The following RGS20 variants were observed in gnomAD, a reference collection of about 807,000 sequenced individuals.
RGS20 encodes regulator of G protein signaling 20.
A neutral mutation model predicts 33.6 loss-of-function variants in RGS20; 30 were observed. That is an observed-to-expected ratio of 0.89 (90% CI 0.67 to 1.21). The LOEUF is 1.21. RGS20 is among the 50% of genes most tolerant of loss of function. RGS20 has a pLI of 0.00. For synonymous variants in RGS20, 208 were observed against 197.9 expected (o/e 1.05, Z -0.43); for missense variants, 472 against 502.4 (o/e 0.94, Z 0.58).
At chr8:53,881,007 G>C in intron 2 of RGS20, 2 of 1,595,272 alleles carry the variant, frequency 1.3e-6, no homozygotes. Context: ...GAAGGCACCC[G>C]CGGGACGCAT....
intron 3 of RGS20, among the ~76,000 whole-genome samples, chr8:53,941,823 G>T (rs1204101816): frequency 6.6e-6 from 1 of 152,000 alleles, no homozygotes; most frequent in African/African-American, 2.4e-5. Context: ...CCACTGATAG[G>T]ACTTTCTCAG....
At chr8:53,924,288 C>G (rs188429792) in intron 2 of RGS20, among the ~76,000 whole-genome samples, 1 of 152,120 alleles carries the variant, frequency 6.6e-6, no homozygotes, top group African/African-American at 2.4e-5. Flanking sequence ...CTCCCGGGTT[C>G]AAGAGATTCT....
chr8:53,891,820 A>G (rs1304139415), intron 2 of RGS20, among the ~76,000 whole-genome samples: 1 of 150,674 alleles, frequency 6.6e-6, no homozygotes, highest in Non-Finnish European at 1.5e-5. Context: ...GAAGTATGTT[A>G]TAATTTTTGC....
intron 2 of RGS20, among the ~76,000 whole-genome samples, chr8:53,885,607 C>T (rs1235431211): frequency 6.6e-6 from 1 of 151,120 alleles, no homozygotes; most frequent in African/African-American, 2.5e-5. Context: ...GAGGGAGACT[C>T]CGTCTCAAAA....
chr8:53,886,642 G>A (rs1283715970), intron 2 of RGS20, among the ~76,000 whole-genome samples: 20 of 152,286 alleles, frequency 1.3e-4, no homozygotes, highest in Admixed American at 1.2e-3. Flanking sequence ...GAGGTGCTGG[G>A]TTGTACGATG....
intron 2 of RGS20, among the ~76,000 whole-genome samples, chr8:53,900,755 G>T (rs960654246): frequency 6.6e-6 from 1 of 152,170 alleles, no homozygotes; most frequent in Non-Finnish European, 1.5e-5. Context: ...GGGCTCCTCT[G>T]ACTGGACACC....
In RGS20 at chr8:53,879,520, G is replaced by A. The variant is rs772702667; in HGVS notation, c.428G>A (p.Gly143Glu). 4 of 1,543,652 alleles carry A rather than the reference G, an allele frequency of 2.6e-6. No homozygotes were observed. The East Asian group carries it at 7.4e-5, about 29-fold the overall frequency. The change falls in exon 2 of 6, where the codon GGG becomes GAG. Residue 143 changes from glycine to glutamate, a missense_variant. Gly to Glu is a moderately conservative substitution (Grantham distance 98). This residue lies in a region of RGS20 where 319 missense variants were observed against 283.4 expected (regional missense o/e 1.13). Transcript: ENST00000297313. ...CTGGCACTGCCCGGCCGACCCTCGG[G>A]GGGTCGTCCGCTGAGGCCCCCCCAT... is the stretch of plus-strand genomic sequence containing the variant.
At chr8:53,884,419 C>T (rs1812481564) in intron 2 of RGS20, among the ~76,000 whole-genome samples, 2 of 151,916 alleles carry the variant, frequency 1.3e-5, no homozygotes. Flanking sequence ...TGATGAACAG[C>T]CAGTTTAAGA....
chr8:53,937,394 A>T (rs1464582360), intron 2 of RGS20, among the ~76,000 whole-genome samples: 1 of 152,124 alleles, frequency 6.6e-6, no homozygotes, highest in African/African-American at 2.4e-5. Flanking sequence ...AAGATGGATT[A>T]AAGACTTAGA....
chr8:53,880,963 G>A lies in RGS20; in HGVS notation c.510+1361G>A, dbSNP rs927979962. On this transcript the variant is annotated intron_variant, in intron 2 of 5. Coordinates refer to ENST00000297313, the MANE Select transcript of RGS20 (RefSeq NM_170587.4). The stretch of plus-strand genomic sequence containing the variant: ...AAAGGCGCGGTGAGCAATCGCCGAC[G>A]TAGAGAGGGCAGCCCTCCGCGCTGC... 25 of 1,579,452 alleles carry A rather than the reference G, an allele frequency of 1.6e-5. No individual in the cohort carries two copies. In the East Asian group the frequency reaches 5.2e-4, roughly 33 times the overall value.
intron 2 of RGS20, among the ~76,000 whole-genome samples, chr8:53,915,001 T>C (rs1203318485): frequency 2.0e-5 from 3 of 152,034 alleles, no homozygotes; most frequent in Non-Finnish European, 4.4e-5. Context: ...AAAAATTAGC[T>C]GGGTGTGGTG....
chr8:53,944,824 C>T (rs1173813748), intron 3 of RGS20, among the ~76,000 whole-genome samples: 4 of 152,134 alleles, frequency 2.6e-5, no homozygotes, highest in Non-Finnish European at 5.9e-5. Flanking sequence ...ACACACATCT[C>T]TCCAAAGATG....
chr8:53,877,691 C>G lies in RGS20; in HGVS notation c.166-1567C>G, dbSNP rs746683958. Among the ~76,000 whole-genome samples the G allele has an allele frequency of 6.6e-6, 1 of 152,164 alleles. No homozygotes were observed. The highest frequency in any genetic ancestry group is 6.5e-5 in the Admixed American group (1 of 15,282). On this transcript the variant is annotated intron_variant, in intron 1 of 5. Coordinates refer to ENST00000297313, the MANE Select transcript of RGS20 (RefSeq NM_170587.4). The surrounding 1 kb of genome is among the most constrained non-coding windows in gnomAD (Gnocchi z 5.7). ...GAGGAGAATGAAAATACTGGGAGAA[C>G]GACCCCATTCTCCAGGAAAAGGTAA...
At chr8:53,889,628 C>T (rs887010556) in intron 2 of RGS20, among the ~76,000 whole-genome samples, 5 of 150,906 alleles carry the variant, frequency 3.3e-5, no homozygotes, top group Admixed American at 3.3e-4. Flanking sequence ...TCTGTTTGGC[C>T]CATTTTTCTA....
chr8:53,875,654 C>T (rs1162718175), intron 1 of RGS20, among the ~76,000 whole-genome samples: 1 of 152,140 alleles, frequency 6.6e-6, no homozygotes, highest in East Asian at 1.9e-4. Flanking sequence ...TTTCCAGCCC[C>T]TCCTCCCTCG....
chr8:53,929,235 A>T (rs1038046583), intron 2 of RGS20, among the ~76,000 whole-genome samples: 2 of 152,220 alleles, frequency 1.3e-5, no homozygotes, highest in Non-Finnish European at 2.9e-5. Context: ...CTTGATTGTG[A>T]TGATGGCTTC....
chr8:53,885,590 G>A (rs1299064918), intron 2 of RGS20, among the ~76,000 whole-genome samples: 1 of 152,036 alleles, frequency 6.6e-6, no homozygotes, highest in Non-Finnish European at 1.5e-5. Context: ...CTCCAGTCTG[G>A]GCGACAGAGG....
chr8:53,871,825 T>C (rs1023644539), intron 1 of RGS20, among the ~76,000 whole-genome samples: 5 of 152,132 alleles, frequency 3.3e-5, no homozygotes, highest in Non-Finnish European at 7.4e-5. Context: ...GTCTTCTATC[T>C]CTCTGACTCT....
intron 1 of RGS20, among the ~76,000 whole-genome samples, chr8:53,852,998 T>A (rs1188835518): frequency 6.6e-6 from 1 of 152,172 alleles, no homozygotes; most frequent in Non-Finnish European, 1.5e-5. Flanking sequence ...CCTGTTCTTT[T>A]GAGCTTTCAG....
Sources: gnomAD v4.1 joint callset for allele counts (sites outside exome capture counted in the v4.1 genomes callset) on GRCh38, gnomAD v4.1.1 for gene constraint, gnomAD v4.1.1 regional missense constraint, Gnocchi (gnomAD v3.1) non-coding constraint, MANE v1.5 for transcripts, NCBI Gene and HGNC (gene_info 2026-07-23, HGNC 2026-07-21) for gene names.